The following SOX10 variants were observed in gnomAD, a reference collection of about 807,000 sequenced individuals.
SOX10 encodes transcription factor SOX-10.
A neutral mutation model predicts 35.0 loss-of-function variants in SOX10; 3 were observed. That is an observed-to-expected ratio of 0.09 (90% confidence interval 0.04 to 0.22). The LOEUF is 0.22. Among genes scored for constraint, SOX10 ranks in the 10% least tolerant of loss-of-function variants. The probability of loss-of-function intolerance (pLI) is 1.00; values close to 1 mark genes in which losing one functional copy is unlikely to be tolerated. For missense variants in SOX10, 436 were observed against 655.1 expected (o/e 0.67, Z 3.65); for synonymous variants, 285 against 291.0 (o/e 0.98, Z 0.21).
intron 3 of SOX10, 96 bp downstream of exon 3, chr22:37,977,771 G>A (rs143872267): frequency 1.8e-3 from 2,363 of 1,344,884 alleles, no homozygotes; most frequent in Non-Finnish European, 2.3e-3. Context: ...AGCCTGGCAC[G>A]CTCTCCCTAG....
chr22:37,980,193 C>T lies in SOX10; in HGVS notation c.429-2058G>A, dbSNP rs1932353661. ...AGTCAGGGAGTGGGATGTGGGCACC[C>T]TCTCTGACGGCTGGGACCAGGGGAG... On this transcript the variant is annotated intron_variant, in intron 2 of 3. Coordinates refer to ENST00000396884, the MANE Select transcript of SOX10 (RefSeq NM_006941.4). The surrounding 1 kb of genome is among the most constrained non-coding windows in gnomAD (Gnocchi z 4.1). Among the ~76,000 whole-genome samples the T allele has an allele frequency of 6.6e-6, 1 of 152,100 alleles. No homozygotes were observed. The highest frequency in any genetic ancestry group is 6.5e-5 in the Admixed American group (1 of 15,272).
rs1326590760 is a variant in SOX10 at position 37,978,146 on chromosome 22, G to T, written c.429-11C>A. The T allele has an allele frequency of 1.9e-6, 3 of 1,545,178 alleles. No homozygotes were observed. In the South Asian group the frequency reaches 3.6e-5, roughly 19 times the overall value. ...CTTTCGTTCAGCAGCCTGGGGTGTGGTGGGAGGCGGAGAGGACAGCAGAGG... is the reference window on the plus strand; with the variant it reads ...CTTTCGTTCAGCAGCCTGGGGTGTGTTGGGAGGCGGAGAGGACAGCAGAGG... On this transcript the variant is annotated splice_polypyrimidine_tract_variant and intron_variant, in intron 2 of 3. Transcript: ENST00000396884. This position sits in a 1 kb window ranked among gnomAD's most constrained non-coding sequence, Gnocchi z 5.0.
chr22:37,976,460 C>A (rs1299456675), intron 3 of SOX10, among the ~76,000 whole-genome samples: 1 of 152,196 alleles, frequency 6.6e-6, no homozygotes, highest in African/African-American at 2.4e-5. Context: ...CTGGTTAGTA[C>A]CCCTGGTGTC....
rs1932372293 is a variant in SOX10, at chr22:37,980,729, G to C, written c.429-2594C>G. Among the ~76,000 whole-genome samples the C allele has an allele frequency of 6.6e-6, 1 of 152,150 alleles. No homozygotes were observed. Among genetic ancestry groups the C allele is most frequent in the South Asian group, 2.1e-4 (1 of 4,812 alleles). ...CTTCCTGTCAGCCCTCTTTCTCCCTGGTCTCCCAGGTTTGGAATGGGGGCA... is the reference window on the plus strand; with the variant it reads ...CTTCCTGTCAGCCCTCTTTCTCCCTCGTCTCCCAGGTTTGGAATGGGGGCA... On this transcript the variant is annotated intron_variant, in intron 2 of 3. Coordinates refer to ENST00000396884, the MANE Select transcript of SOX10 (RefSeq NM_006941.4). The surrounding 1 kb of genome is among the most constrained non-coding windows in gnomAD (Gnocchi z 4.1).
In SOX10 at chr22:37,974,373, A is replaced by G. The variant is rs1932162339; in HGVS notation, c.698-175T>C. ...TTTTTTTTTGTTTTTTTTTTTTGAG[A>G]TGGAGTTTCGCTCTTGTTGCCCAGA... On this transcript the variant is annotated intron_variant, in intron 3 of 3. Coordinates refer to ENST00000396884, the MANE Select transcript of SOX10 (RefSeq NM_006941.4). The surrounding 1 kb of genome is among the most constrained non-coding windows in gnomAD (Gnocchi z 5.4). Among the ~76,000 whole-genome samples, 1 of 142,856 alleles carries G rather than the reference A, an allele frequency of 7.0e-6. No individual in the cohort carries two copies. Among genetic ancestry groups the G allele is most frequent in the Admixed American group, 6.9e-5 (1 of 14,440 alleles). 93.7% of individuals were successfully genotyped at this position (142,856 alleles called of 152,430 possible).
chr22:37,973,588 G>A lies in SOX10; in HGVS notation c.1308C>T (p.Tyr436=). The A allele has an allele frequency of 5.0e-6, 8 of 1,613,076 alleles. No homozygotes were observed. The highest frequency in any genetic ancestry group is 6.8e-6 in the Non-Finnish European group (8 of 1,179,618). The change falls in exon 4 of 4, where the codon TAC becomes TAT. Residue 436 remains tyrosine, a synonymous_variant. Coordinates refer to ENST00000396884, the MANE Select transcript of SOX10 (RefSeq NM_006941.4). ...AGGGGCTGGGGTCAGAGATGGCCGT[G>A]TAGAGGGGCCGCTGCGAGGGCCCCA... ...SYMGPSQRPL[Y]TAISDPSPSG... is the part of the protein sequence containing the mutation.
In SOX10 at chr22:37,978,180, T is replaced by G. The variant is rs758171334; in HGVS notation, c.429-45A>C. 1 of 1,485,036 alleles carries G rather than the reference T, an allele frequency of 6.7e-7. No homozygotes were observed. The highest frequency in any genetic ancestry group is 1.9e-4 in the Middle Eastern group (1 of 5,186). The allele number at this position is 1,485,036 out of a possible 1,614,324, so 92.0% of individuals were successfully genotyped here. ...GGAGAGGACAGCAGAGGGGCTGGCG[T>G]GAATGCCAGAGCACTCCAGGTTGGC... On this transcript the variant is annotated intron_variant, in intron 2 of 3. Transcript: ENST00000396884. The surrounding 1 kb of genome is among the most constrained non-coding windows in gnomAD (Gnocchi z 5.0).
At position 37,983,948 on chromosome 22, in the gene SOX10, C is replaced by A; in HGVS notation, c.-84-80G>T. ...CCGAGACAGGACGTGGGCACAGCCC[C>A]GAGGTGGCGGCCCTTCCTGCTCCAG... On this transcript the variant is annotated intron_variant, in intron 1 of 3. Transcript: ENST00000396884. The surrounding 1 kb of genome is among the most constrained non-coding windows in gnomAD (Gnocchi z 9.5). 1 of 444,444 alleles carries A rather than the reference C, an allele frequency of 2.3e-6. No individual in the cohort carries two copies. Among genetic ancestry groups the A allele is most frequent in the Non-Finnish European group, 3.6e-6 (1 of 278,042 alleles). The allele number at this position is 444,444 out of a possible 1,614,324, so 27.5% of individuals were successfully genotyped here.
rs1249578852 is a variant in SOX10, at chr22:37,983,700, G to GCGCGCTCCCCGGGGA, written c.70_84dup (p.Ser24_Ala28dup). Reference sequence around the variant, plus strand: ...CCGCCGCCGTCGGGCCCTAGCGAGGGCGCGCTCCCCGGGGACAGGCAGCGG... The same window carrying GCGCGCTCCCCGGGGA: ...CCGCCGCCGTCGGGCCCTAGCGAGGGCGCGCTCCCCGGGGACGCGCTCCCCGGGGACAGGCAGCGG... On this transcript the variant is annotated inframe_insertion, in exon 2 of 4. Transcript: ENST00000396884. This position sits in a 1 kb window ranked among gnomAD's most constrained non-coding sequence, Gnocchi z 9.5. 2 of 1,519,532 alleles carry GCGCGCTCCCCGGGGA rather than the reference G, an allele frequency of 1.3e-6. No homozygotes were observed. Among genetic ancestry groups the GCGCGCTCCCCGGGGA allele is most frequent in the South Asian group, 2.4e-5 (2 of 82,126 alleles). 94.1% of individuals were successfully genotyped at this position (1,519,532 alleles called of 1,614,324 possible).
In SOX10 at chr22:37,983,335, C is replaced by CG. The variant is rs776430557; in HGVS notation, c.428+21dup. Reference sequence around the variant, plus strand: ...CACCCGAAGCTAGAGGGCCCGAGCCCGGGGGGCGGTCGGGTGCTCACCTCC... The same window carrying CG: ...CACCCGAAGCTAGAGGGCCCGAGCCCGGGGGGGCGGTCGGGTGCTCACCTCC... On this transcript the variant is annotated intron_variant, in intron 2 of 3. Transcript: ENST00000396884. This position sits in a 1 kb window ranked among gnomAD's most constrained non-coding sequence, Gnocchi z 9.5. 8.8e-6 allele frequency: 14 copies of CG among 1,595,790 alleles called. No homozygotes were observed. The highest frequency in any genetic ancestry group is 1.1e-5 in the South Asian group (1 of 88,916).
intron 2 of SOX10, among the ~76,000 whole-genome samples, chr22:37,979,551 G>T (rs1197765053): frequency 6.6e-6 from 1 of 151,976 alleles, no homozygotes; most frequent in Non-Finnish European, 1.5e-5. Context: ...CTGGGTGGGG[G>T]GTACTGCCTC....
chr22:37,973,185 CCCTTCTCAGGT>C lies in SOX10; in HGVS notation c.*299_*309del, dbSNP rs1932110426. On this transcript the variant is annotated 3_prime_UTR_variant, in exon 4 of 4. Coordinates refer to ENST00000396884, the MANE Select transcript of SOX10 (RefSeq NM_006941.4). ...CCCCTCCCCGAGGAGGGTGAGCAGGCCCTTCTCAGGTCCTGGGATAGAGGGTCATTCCTGGG... is the reference window on the plus strand; with the variant it reads ...CCCCTCCCCGAGGAGGGTGAGCAGGCCCTGGGATAGAGGGTCATTCCTGGG... 1 of 349,588 alleles carries C rather than the reference CCCTTCTCAGGT, an allele frequency of 2.9e-6. No homozygotes were observed. The highest frequency in any genetic ancestry group is 2.1e-5 in the African/African-American group (1 of 47,664). The allele number at this position is 349,588 out of a possible 1,614,324, so 21.7% of individuals were successfully genotyped here.
Position 37,978,770 on chromosome 22 carries a change from TTTTC to T in SOX10, c.429-639_429-636del, listed in dbSNP as rs773022913. 4.6e-5 allele frequency among the ~76,000 whole-genome samples: 7 copies of T among 152,022 alleles called. No individual in the cohort carries two copies. The East Asian group carries it at 5.8e-4, about 13-fold the overall frequency. On this transcript the variant is annotated intron_variant, in intron 2 of 3. Coordinates refer to ENST00000396884, the MANE Select transcript of SOX10 (RefSeq NM_006941.4). The surrounding 1 kb of genome is among the most constrained non-coding windows in gnomAD (Gnocchi z 5.0). ...GCTGAGCACCTTGAGGAAGAGGTGC[TTTTC>T]TTTCTTTCTTTTTTTTTTCTGTGAG...
chr22:37,983,759 T>C lies in SOX10; in HGVS notation c.26A>G (p.Glu9Gly). The C allele has an allele frequency of 6.7e-7, 1 of 1,485,824 alleles. No individual in the cohort carries two copies. Among genetic ancestry groups the C allele is most frequent in the Non-Finnish European group, 8.9e-7 (1 of 1,122,262 alleles). The allele number at this position is 1,485,824 out of a possible 1,614,324, so 92.0% of individuals were successfully genotyped here. The change falls in exon 2 of 4, where the codon GAG (glutamate) becomes GGG (glycine). Residue 9 changes from glutamate to glycine, a missense_variant. Transcript: ENST00000396884. The surrounding 1 kb of genome is among the most constrained non-coding windows in gnomAD (Gnocchi z 9.5). Reference sequence around the variant, plus strand: ...CGAGCCCACGGGGCTCAGCTCCACCTCCGATAGGTCCTGCTCCTCCGCCAT... The same window carrying C: ...CGAGCCCACGGGGCTCAGCTCCACCCCCGATAGGTCCTGCTCCTCCGCCAT... Reference protein sequence around the residue: MAEEQDLSEVELSPVGSEE... With the variant: MAEEQDLSGVELSPVGSEE...
rs1410719195 is a variant in SOX10, at chr22:37,973,201, G to C, written c.*294C>G. On this transcript the variant is annotated 3_prime_UTR_variant, in exon 4 of 4. Transcript: ENST00000396884. ...GTGAGCAGGCCCTTCTCAGGTCCTG[G>C]GATAGAGGGTCATTCCTGGGGGAAG... The C allele has an allele frequency of 2.6e-6, 1 of 382,330 alleles. No individual in the cohort carries two copies. Among genetic ancestry groups the C allele is most frequent in the African/African-American group, 2.1e-5 (1 of 48,570 alleles). 23.7% of individuals were successfully genotyped at this position (382,330 alleles called of 1,614,324 possible).
At position 37,977,855 on chromosome 22, in the gene SOX10, A is replaced by C. The variant is rs1446744929; in HGVS notation, c.697+12T>G. On this transcript the variant is annotated intron_variant, in intron 3 of 3. Coordinates refer to ENST00000396884, the MANE Select transcript of SOX10 (RefSeq NM_006941.4). ...GCCTTGCCCCACCCTCAGCTCTGTC[A>C]TCAGCACTCACCTGAGGGGTGCTCG... is the stretch of plus-strand genomic sequence containing the variant. 1 of 1,604,710 alleles carries C rather than the reference A, an allele frequency of 6.2e-7. No individual in the cohort carries two copies. Among genetic ancestry groups the C allele is most frequent in the African/African-American group, 1.3e-5 (1 of 74,698 alleles).
chr22:37,982,544 C>T (rs1038570656), intron 2 of SOX10, among the ~76,000 whole-genome samples: 2 of 152,128 alleles, frequency 1.3e-5, no homozygotes, highest in African/African-American at 2.4e-5. Context: ...CTCTGAGGGC[C>T]CCTGGGCAGG....
At position 37,972,872 on chromosome 22, in the gene SOX10, G is replaced by A. The variant is rs1932101242; in HGVS notation, c.*623C>T. 3 of 153,444 alleles carry A rather than the reference G, an allele frequency of 2.0e-5. No homozygotes were observed. Among genetic ancestry groups the A allele is most frequent in the African/African-American group, 7.2e-5 (3 of 41,408 alleles). 9.5% of individuals were successfully genotyped at this position (153,444 alleles called of 1,614,324 possible). A position where few individuals can be genotyped will look rare whatever the true frequency, so the allele number is the denominator to read the frequency against. On this transcript the variant is annotated 3_prime_UTR_variant, in exon 4 of 4. Transcript: ENST00000396884. ...GGTTATTGGCACAGAATTGGATCAG[G>A]GGGCCTCTGTGCCAACTCCTTCCTG...
Position 37,978,179 on chromosome 22 carries a change from G to C in SOX10, c.429-44C>G, listed in dbSNP as rs1389607029. The C allele has an allele frequency of 6.7e-7, 1 of 1,485,026 alleles. No individual in the cohort carries two copies. Among genetic ancestry groups the C allele is most frequent in the Non-Finnish European group, 8.9e-7 (1 of 1,117,438 alleles). The allele number at this position is 1,485,026 out of a possible 1,614,324, so 92.0% of individuals were successfully genotyped here. ...CGGAGAGGACAGCAGAGGGGCTGGC[G>C]TGAATGCCAGAGCACTCCAGGTTGG... is the stretch of plus-strand genomic sequence containing the variant. On this transcript the variant is annotated intron_variant, in intron 2 of 3. Transcript: ENST00000396884. This position sits in a 1 kb window ranked among gnomAD's most constrained non-coding sequence, Gnocchi z 5.0.
Sources: allele counts gnomAD v4.1 joint callset (sites outside exome capture counted in the v4.1 genomes callset), GRCh38; gene constraint gnomAD v4.1.1; non-coding constraint Gnocchi (gnomAD v3.1); transcripts MANE v1.5; gene names NCBI Gene and HGNC (gene_info 2026-07-23, HGNC 2026-07-21).